Variants in MYO1F observed in about 807,000 individuals in gnomAD.
MYO1F encodes unconventional myosin-If.
MYO1F carries 60 observed loss-of-function variants against 146.6 expected under a neutral mutation model. The observed-to-expected ratio is 0.41, with a 90% CI of 0.33 to 0.51. The LOEUF (loss-of-function observed/expected upper bound fraction) is 0.51. Ranked by LOEUF, MYO1F falls within the 20% of genes least tolerant of loss-of-function variation. The pLI is 0.25. For missense variants in MYO1F, 1,274 were observed against 1,534.3 expected, an observed-to-expected ratio of 0.83 and a Z score of 2.83; for synonymous variants, 602 against 602.1, an observed-to-expected ratio of 1.00 and a Z score of 0.00.
At chr19:8,558,963 C>T (rs79352255) in intron 1 of MYO1F, among the ~76,000 whole-genome samples, 241 of 152,208 alleles carry the variant, frequency 1.6e-3, no homozygotes, top group Non-Finnish European at 1.9e-3. Context: ...ACTGCTACCT[C>T]TGCCTGCGGG....
rs1972890122 is a variant in MYO1F at position 8,539,981 on chromosome 19, T to C, written c.1658A>G (p.Lys553Arg). 1.2e-6 allele frequency: 2 copies of C among 1,612,182 alleles called. No individual in the cohort carries two copies. Among genetic ancestry groups the C allele is most frequent in the East Asian group, 4.5e-5 (2 of 44,808 alleles). The change falls in exon 16 of 28, where the codon AAG becomes AGG. Residue 553 changes from lysine (K) to arginine (R), a missense_variant. Physicochemically the swap from Lys to Arg is conservative, Grantham distance 26. Around this residue, in one of 2 missense-constraint regions of MYO1F, gnomAD observed 900 missense variants for 1,155.1 expected, o/e 0.78. Transcript: ENST00000644032. Reference sequence around the variant, plus strand: ...GGAGCCGGCGGTGCTGGGGCGCCCCTTCTTGTCTCCATCCAGCTTCTCGGG... The same window carrying C: ...GGAGCCGGCGGTGCTGGGGCGCCCCCTCTTGTCTCCATCCAGCTTCTCGGG... ...LFPEKLDGDK[K>R]GRPSTAGSKI...
At position 8,554,540 on chromosome 19, in the gene MYO1F, G is replaced by A; in HGVS notation, c.263C>T (p.Ala88Val). Residue 88 changes from alanine to valine, a missense_variant, in exon 4 of 28, where the codon GCC becomes GTC. Ala to Val is a moderately conservative substitution (Grantham distance 64). This residue lies in a region of MYO1F where 900 missense variants were observed against 1,155.1 expected (regional missense o/e 0.78). Transcript: ENST00000644032. ...GTTCCGGTACATGTTGTCCGTGAGG[G>A]CGTAGATGTGCGGGGGATTCTCATA... ...AQYENPPHIY[A>V]LTDNMYRNML... is the part of the protein sequence containing the mutation. 1 of 1,613,668 alleles carries A rather than the reference G, an allele frequency of 6.2e-7. No homozygotes were observed. The highest frequency in any genetic ancestry group is 8.5e-7 in the Non-Finnish European group (1 of 1,179,706).
intron 19 of MYO1F, among the ~76,000 whole-genome samples, chr19:8,532,889 G>GAAAAAA (rs60096210): frequency 2.3e-4 from 26 of 113,748 alleles, no homozygotes; most frequent in Non-Finnish European, 3.1e-4. Flanking sequence ...TCCTGTCTCA[G>GAAAAAA]AAAAAAAAAA....
Position 8,521,183 on chromosome 19 carries a change from CCT to C in MYO1F, c.*343_*344del. ...AAGTCACGCTTGTTAAGGACCCCCC[CCT>C]CCCCAACTGTGCCTGGCACTTTGCC... On this transcript the variant is annotated 3_prime_UTR_variant, in exon 28 of 28. Coordinates refer to ENST00000644032, the MANE Select transcript of MYO1F (RefSeq NM_012335.4). The C allele has an allele frequency of 8.0e-5, 31 of 385,224 alleles. No homozygotes were observed. The highest frequency in any genetic ancestry group is 1.0e-4 in the Non-Finnish European group (21 of 201,744). The allele number at this position is 385,224 out of a possible 1,614,324, so 23.9% of individuals were successfully genotyped here.
chr19:8,550,792 G>C (rs1173237148), intron 8 of MYO1F, 98 bp from the exon 9 acceptor site: 4 of 1,545,314 alleles, frequency 2.6e-6, no homozygotes, highest in Non-Finnish European at 3.5e-6. Context: ...CTCAGGGAGT[G>C]AGCACCCTTG....
intron 21 of MYO1F, among the ~76,000 whole-genome samples, chr19:8,528,123 G>C (rs1972342068): frequency 6.6e-6 from 1 of 152,184 alleles, no homozygotes; most frequent in Non-Finnish European, 1.5e-5. Context: ...TCAGGAGGCT[G>C]AGACAGGAGA....
At chr19:8,571,213 G>A (rs1600063380) in intron 1 of MYO1F, among the ~76,000 whole-genome samples, 1 of 152,308 alleles carries the variant, frequency 6.6e-6, no homozygotes, top group East Asian at 1.9e-4. Context: ...CTAAGCCTCC[G>A]TAGCTGCTTC....
Position 8,525,578 on chromosome 19 carries a change from C to T in MYO1F, c.2771-16G>A, listed in dbSNP as rs778428405. On this transcript the variant is annotated splice_polypyrimidine_tract_variant and intron_variant, in intron 24 of 27. Transcript: ENST00000644032. ...CGCGTAGGCTCTGAAAGAAGAGTGT[C>T]AGGGAGTTGAATGACAGACAGACCA... 21 of 1,608,902 alleles carry T rather than the reference C, an allele frequency of 1.3e-5. No homozygotes were observed. The highest frequency in any genetic ancestry group is 1.6e-5 in the Non-Finnish European group (19 of 1,176,926).
Position 8,530,105 on chromosome 19 carries a change from G to T in MYO1F, c.2328+91C>A. 4 of 1,537,088 alleles carry T rather than the reference G, an allele frequency of 2.6e-6. No individual in the cohort carries two copies. The highest frequency in any genetic ancestry group is 3.6e-6 in the Non-Finnish European group (4 of 1,113,832). On this transcript the variant is annotated intron_variant, in intron 21 of 27. Transcript: ENST00000644032. The surrounding 1 kb of genome is among the most constrained non-coding windows in gnomAD (Gnocchi z 5.8). Reference sequence around the variant, plus strand: ...ATGGAACAGATGGATCTAGGCTGGGGGATATCTGGCTGTGGGCAGGTGCAT... The same window carrying T: ...ATGGAACAGATGGATCTAGGCTGGGTGATATCTGGCTGTGGGCAGGTGCAT...
chr19:8,544,039 T>TGGCGGTG, intron 14 of MYO1F: 1 of 501,860 alleles, frequency 2.0e-6, no homozygotes, highest in Non-Finnish European at 3.6e-6. Flanking sequence ...GCGGTGGCGG[T>TGGCGGTG]GCTGGTGGTG....
intron 1 of MYO1F, among the ~76,000 whole-genome samples, chr19:8,571,121 G>A (rs2034509980): frequency 6.6e-6 from 1 of 152,230 alleles, no homozygotes; most frequent in Admixed American, 6.5e-5. Context: ...TGATGAGCAA[G>A]AGCTCTAGAT....
At chr19:8,557,452 C>T in intron 1 of MYO1F, among the ~76,000 whole-genome samples, 1 of 152,114 alleles carries the variant, frequency 6.6e-6, no homozygotes, top group East Asian at 1.9e-4. Context: ...CAGACGTGCA[C>T]CACCATGCCT....
chr19:8,543,637 CGGTGGTGGTGGTGGTGCTGGT>C (rs1392513896), intron 14 of MYO1F, among the ~76,000 whole-genome samples: 41 of 136,246 alleles, frequency 3.0e-4, no homozygotes, highest in Non-Finnish European at 4.5e-4. Context: ...CCAGGGAACA[CGGTGGTGGTGGTGGTGCTGGT>C]GGTGGTGGTG....
intron 12 of MYO1F, among the ~76,000 whole-genome samples, chr19:8,546,628 G>A (rs1226086501): frequency 6.6e-6 from 1 of 151,996 alleles, no homozygotes; most frequent in African/African-American, 2.4e-5. Flanking sequence ...CTAGATAGCT[G>A]GGACTATAGG....
chr19:8,523,754 A>G (rs1003065790), intron 25 of MYO1F, among the ~76,000 whole-genome samples: 3 of 152,102 alleles, frequency 2.0e-5, no homozygotes, highest in African/African-American at 7.2e-5. Context: ...TCTTAGGCTC[A>G]TGATATTCTC....
rs531360716 is a variant in MYO1F, at chr19:8,536,684, G to A, written c.1800-87C>T. On this transcript the variant is annotated intron_variant, in intron 17 of 27. Coordinates refer to ENST00000644032, the MANE Select transcript of MYO1F (RefSeq NM_012335.4). ...GGGAGGTGCTGGAGGTGGGGGACCT[G>A]GGGGGATCTGGATTCATGCTGAGGG... is the stretch of plus-strand genomic sequence containing the variant. 1.1e-5 allele frequency: 8 copies of A among 725,122 alleles called. No individual in the cohort carries two copies. In the South Asian group the frequency reaches 1.2e-4, roughly 11 times the overall value. 44.9% of individuals were successfully genotyped at this position (725,122 alleles called of 1,614,324 possible). A position where few individuals can be genotyped will look rare whatever the true frequency, so the allele number is the denominator to read the frequency against.
chr19:8,564,443 C>G (rs570764012), intron 1 of MYO1F, among the ~76,000 whole-genome samples: 1 of 151,950 alleles, frequency 6.6e-6, no homozygotes, highest in African/African-American at 2.4e-5. Context: ...TGGGGTGCGT[C>G]AGGAGATGAC....
rs572648482 is a variant in MYO1F at position 8,523,325 on chromosome 19, G to A, written c.2855-496C>T. On this transcript the variant is annotated intron_variant, in intron 25 of 27. Transcript: ENST00000644032. ...TGGGATTACAGGCATGAGCCACCGC[G>A]CCTGGCCAATTATTTTTTACTTTTA... Among the ~76,000 whole-genome samples, 16 of 151,450 alleles carry A rather than the reference G, an allele frequency of 1.1e-4. No homozygotes were observed. The East Asian group carries it at 2.6e-3, about 24-fold the overall frequency.
At position 8,544,443 on chromosome 19, in the gene MYO1F, C is replaced by A. The variant is rs758097575; in HGVS notation, c.1378G>T (p.Val460Phe). ...NKLSPPGIMS[V>F]LDDVCATMHA... is the part of the protein sequence containing the mutation. ...ATGGTGGCGCACACGTCGTCCAAGA[C>A]GCTCATGATGCCTGGGGGGCTCTGC... The change falls in exon 14 of 28, where the codon GTC becomes TTC. Residue 460 changes from valine (V) to phenylalanine (F), a missense_variant. Physicochemically the swap from Val to Phe is conservative, Grantham distance 50. Around this residue, in one of 2 missense-constraint regions of MYO1F, gnomAD observed 900 missense variants for 1,155.1 expected, o/e 0.78. Transcript: ENST00000644032. 6.2e-7 allele frequency: 1 copy of A among 1,611,290 alleles called. No homozygotes were observed.
Sources: allele counts gnomAD v4.1 joint callset (sites outside exome capture counted in the v4.1 genomes callset), GRCh38; gene constraint gnomAD v4.1.1; regional missense constraint gnomAD v4.1.1; non-coding constraint Gnocchi (gnomAD v3.1); transcripts MANE v1.5; gene names NCBI Gene and HGNC (gene_info 2026-07-23, HGNC 2026-07-21).